TMC1: variants seen among roughly 807,000 people sequenced by gnomAD.
TMC1 encodes the protein transmembrane channel-like protein 1.
Under a neutral mutation model 105.8 loss-of-function variants are expected in TMC1, and 84 were observed. The observed-to-expected ratio is 0.79, with a 90% CI of 0.67 to 0.95. TMC1 has a LOEUF of 0.95. Among genes scored for constraint, TMC1 ranks in the 40% least tolerant of loss-of-function variants. TMC1 has a pLI of 0.00. For synonymous variants in TMC1, 315 were observed against 311.5 expected (o/e 1.01, Z -0.12); for missense variants, 817 against 914.1 (o/e 0.89, Z 1.37).
intron 5 of TMC1, among the ~76,000 whole-genome samples, chr9:72,683,899 G>C (rs1266818239): frequency 1.3e-5 from 2 of 149,556 alleles, no homozygotes; most frequent in Non-Finnish European, 3.0e-5. Context: ...TTCTCTTTCT[G>C]TTTCTCTCCT....
At chr9:72,586,542 C>T (rs1388492941) in intron 2 of TMC1, among the ~76,000 whole-genome samples, 1 of 152,166 alleles carries the variant, frequency 6.6e-6, no homozygotes, top group Admixed American at 6.5e-5. Flanking sequence ...TAAGGAAAAA[C>T]TCACACCCTA....
intron 8 of TMC1, among the ~76,000 whole-genome samples, chr9:72,726,356 A>G (rs1447791162): frequency 6.6e-6 from 1 of 152,188 alleles, no homozygotes; most frequent in Non-Finnish European, 1.5e-5. Context: ...GATTCTTTGG[A>G]TGAATTAACT....
chr9:72,817,702 A>G (rs1244453467), intron 19 of TMC1, among the ~76,000 whole-genome samples: 1 of 152,230 alleles, frequency 6.6e-6, no homozygotes, highest in Non-Finnish European at 1.5e-5. Flanking sequence ...AAAAGCTGTT[A>G]TAATGGCTGT....
At chr9:72,660,559 G>A (rs1203417298) in intron 5 of TMC1, among the ~76,000 whole-genome samples, 2 of 152,116 alleles carry the variant, frequency 1.3e-5, no homozygotes, top group Non-Finnish European at 2.9e-5. Flanking sequence ...GAGTTTCTCA[G>A]ACTGCACATA....
At chr9:72,632,431 G>T (rs1279561017) in intron 4 of TMC1, among the ~76,000 whole-genome samples, 2 of 152,130 alleles carry the variant, frequency 1.3e-5, no homozygotes, top group African/African-American at 4.8e-5. Flanking sequence ...GGAGCAAGGA[G>T]CAGACTCCAT....
chr9:72,686,488 G>A (rs1345031323), intron 5 of TMC1, among the ~76,000 whole-genome samples: 1 of 152,148 alleles, frequency 6.6e-6, no homozygotes, highest in African/African-American at 2.4e-5. Context: ...GGAGATATAG[G>A]CCAGTGCTGA....
At chr9:72,769,932 T>G (rs2118118168) in intron 12 of TMC1, among the ~76,000 whole-genome samples, 1 of 152,274 alleles carries the variant, frequency 6.6e-6, no homozygotes, top group East Asian at 1.9e-4. Context: ...ATTGTCACCC[T>G]GGGACAGAGG....
At chr9:72,575,075 C>CACCTCCAT (rs1185246759) in intron 1 of TMC1, among the ~76,000 whole-genome samples, 1 of 152,184 alleles carries the variant, frequency 6.6e-6, no homozygotes, top group Non-Finnish European at 1.5e-5. Context: ...ACCACTCTTT[C>CACCTCCAT]ACCTCCATCT....
intron 4 of TMC1, among the ~76,000 whole-genome samples, chr9:72,639,154 A>G (rs1018709284): frequency 4.6e-5 from 7 of 152,118 alleles, no homozygotes; most frequent in African/African-American, 1.7e-4. Context: ...CTGGGAACTA[A>G]CTGCTGGTGA....
At chr9:72,808,701 A>G (rs1828643840) in intron 18 of TMC1, among the ~76,000 whole-genome samples, 1 of 152,176 alleles carries the variant, frequency 6.6e-6, no homozygotes, top group Non-Finnish European at 1.5e-5. Context: ...CCTTCGAAGC[A>G]TGTGCCCATG....
At chr9:72,594,495 A>T (rs1824687885) in intron 2 of TMC1, among the ~76,000 whole-genome samples, 1 of 152,212 alleles carries the variant, frequency 6.6e-6, no homozygotes, top group South Asian at 2.1e-4. Flanking sequence ...AAGAGGGCAG[A>T]TCACATAGCC....
chr9:72,768,482 T>A (rs554275863), intron 12 of TMC1, among the ~76,000 whole-genome samples: 34 of 152,264 alleles, frequency 2.2e-4, no homozygotes, highest in African/African-American at 7.9e-4. Context: ...AAAAAGTTAA[T>A]TAATTAAAAA....
At chr9:72,532,382 A>C (rs929712888) in intron 1 of TMC1, among the ~76,000 whole-genome samples, 3 of 151,746 alleles carry the variant, frequency 2.0e-5, no homozygotes, top group Non-Finnish European at 4.4e-5. Flanking sequence ...CTCTACTAAA[A>C]ATACAAAAAT....
At chr9:72,598,836 G>A (rs1038671213) in intron 2 of TMC1, among the ~76,000 whole-genome samples, 2 of 152,132 alleles carry the variant, frequency 1.3e-5, no homozygotes, top group African/African-American at 4.8e-5. Context: ...TCCTTTTCCT[G>A]TACATTTGGG....
At chr9:72,762,760 T>G (rs1320413594) in intron 12 of TMC1, among the ~76,000 whole-genome samples, 1 of 152,098 alleles carries the variant, frequency 6.6e-6, no homozygotes, top group African/African-American at 2.4e-5. Flanking sequence ...CTGAGCAGGG[T>G]GGGCTGCTGC....
chr9:72,751,721 C>T, intron 10 of TMC1, 129 bp from the exon 11 acceptor site: 1 of 698,366 alleles, frequency 1.4e-6, no homozygotes, highest in Middle Eastern at 3.0e-4. Flanking sequence ...AATGCTATAG[C>T]CTATAAATAT....
intron 2 of TMC1, among the ~76,000 whole-genome samples, chr9:72,602,494 C>T (rs897117986): frequency 6.6e-6 from 1 of 151,620 alleles, no homozygotes; most frequent in Non-Finnish European, 1.5e-5. Flanking sequence ...CCTGCCTCAG[C>T]CTCCTGAGCA....
chr9:72,740,765 TCTC>T (rs1295360165), intron 9 of TMC1, among the ~76,000 whole-genome samples: 6 of 152,198 alleles, frequency 3.9e-5, no homozygotes, highest in African/African-American at 1.4e-4. Flanking sequence ...GATATTATTA[TCTC>T]CTCTTTACAA....
intron 13 of TMC1, among the ~76,000 whole-genome samples, chr9:72,786,534 C>T (rs890619241): frequency 1.3e-5 from 2 of 152,138 alleles, no homozygotes; most frequent in African/African-American, 2.4e-5. Flanking sequence ...TGCTAACTCC[C>T]CTGGCAAAGC....
Sources: gnomAD v4.1 joint callset for allele counts (sites outside exome capture counted in the v4.1 genomes callset) on GRCh38, gnomAD v4.1.1 for gene constraint, MANE v1.5 for transcripts, NCBI Gene and HGNC (gene_info 2026-07-23, HGNC 2026-07-21) for gene names.